LRIG2: variants seen among roughly 807,000 people sequenced by gnomAD.
LRIG2 encodes leucine-rich repeats and immunoglobulin-like domains protein 2.
In LRIG2, 93 loss-of-function variants were observed where a neutral mutation model predicts 107.8. That is an observed-to-expected ratio of 0.86 (90% CI 0.73 to 1.03). LRIG2 has a LOEUF of 1.03. Ranked by LOEUF, LRIG2 falls within the 50% of genes least tolerant of loss-of-function variation. LRIG2 has a pLI of 0.00. For synonymous variants in LRIG2, 471 were observed against 470.6 expected, an observed-to-expected ratio of 1.00 and a Z score of -0.01; for missense variants, 1,226 against 1,296.0, an observed-to-expected ratio of 0.95 and a Z score of 0.83.
In LRIG2 at chr1:113,094,479, T is replaced by C; in HGVS notation, c.656T>C (p.Phe219Ser). The change falls in exon 5 of 18, where the codon TTC (phenylalanine) becomes TCC (serine). Residue 219 changes from phenylalanine to serine, a missense_variant. By Grantham distance (155) the Phe-to-Ser change is radical. This residue lies in a region of LRIG2 where 570 missense variants were observed against 550.2 expected (regional missense o/e 1.04). Coordinates refer to ENST00000361127, the MANE Select transcript of LRIG2 (RefSeq NM_014813.3). ...PKIFKLPHLQ[F>S]LELKRNRIKI... ...ATCTTCAAGCTGCCTCACCTCCAATTCTTGTGAGTAACGAAATAGACGGAT... is the reference window on the plus strand; with the variant it reads ...ATCTTCAAGCTGCCTCACCTCCAATCCTTGTGAGTAACGAAATAGACGGAT... The C allele has an allele frequency of 6.2e-7, 1 of 1,606,220 alleles. No homozygotes were observed. The highest frequency in any genetic ancestry group is 8.5e-7 in the Non-Finnish European group (1 of 1,178,286).
rs1570744465 is a variant in LRIG2, at chr1:113,095,866, T to C, written c.804-8T>C. The C allele has an allele frequency of 1.9e-6, 3 of 1,614,138 alleles. No homozygotes were observed. The highest frequency in any genetic ancestry group is 2.7e-5 in the African/African-American group (2 of 75,058). ...AACGTATTTTCTTCTCTTTCTCTAA[T>C]TCTGCAGAGAACTGGAACACAACAA... On this transcript the variant is annotated splice_region_variant and splice_polypyrimidine_tract_variant and intron_variant, in intron 6 of 17. Transcript: ENST00000361127.
intron 11 of LRIG2, among the ~76,000 whole-genome samples, chr1:113,104,139 G>A (rs564791108): frequency 1.3e-5 from 2 of 152,296 alleles, no homozygotes; most frequent in African/African-American, 4.8e-5. Flanking sequence ...ACTGCATCCT[G>A]TAAGCTGTCT....
intron 17 of LRIG2, among the ~76,000 whole-genome samples, chr1:113,122,075 C>CTTTTTTTT (rs758568453): frequency 3.4e-5 from 3 of 87,054 alleles, no homozygotes; most frequent in African/African-American, 4.6e-5. Flanking sequence ...TTAGGCTCAC[C>CTTTTTTTT]TTTTTTTTTT....
At chr1:113,107,566 G>A (rs768765585) in intron 11 of LRIG2, 28 bp from the exon 12 acceptor site, 1 of 1,595,660 alleles carries the variant, frequency 6.3e-7, no homozygotes, top group Non-Finnish European at 8.5e-7. Flanking sequence ...TAAAACAAAG[G>A]ATGCTTTTCC....
chr1:113,093,279 T>C lies in LRIG2; in HGVS notation c.379T>C (p.Leu127=), dbSNP rs1653905401. ...TACATCTAATATTACTCTACTTTCA[T>C]TGTAAGTTAGTAAGTTTTCAGGTTT... is the stretch of plus-strand genomic sequence containing the variant. The part of the protein sequence containing the change: ...EPTSNITLLS[L]VHNIIPEINA... Residue 127 remains leucine, a splice_region_variant and synonymous_variant, in exon 3 of 18, where the codon TTA becomes CTA. Coordinates refer to ENST00000361127, the MANE Select transcript of LRIG2 (RefSeq NM_014813.3). 1 of 1,583,708 alleles carries C rather than the reference T, an allele frequency of 6.3e-7. No homozygotes were observed. Among genetic ancestry groups the C allele is most frequent in the Non-Finnish European group, 8.6e-7 (1 of 1,164,110 alleles).
At chr1:113,088,423 G>A (rs1391573819) in intron 1 of LRIG2, among the ~76,000 whole-genome samples, 1 of 152,116 alleles carries the variant, frequency 6.6e-6, no homozygotes, top group Admixed American at 6.5e-5. Flanking sequence ...TCATTTTATT[G>A]CTTTAGATTT....
intron 1 of LRIG2, among the ~76,000 whole-genome samples, chr1:113,080,133 G>T (rs1407321254): frequency 6.8e-6 from 1 of 146,468 alleles, no homozygotes; most frequent in Admixed American, 7.1e-5. Context: ...CGATTCTCCT[G>T]CCTCAGCCTC....
chr1:113,083,493 G>A (rs1413884655), intron 1 of LRIG2, among the ~76,000 whole-genome samples: 1 of 151,174 alleles, frequency 6.6e-6, no homozygotes, highest in African/African-American at 2.4e-5. Flanking sequence ...TTACAGGCAC[G>A]TGCCACCACA....
In LRIG2 at chr1:113,123,981, G is replaced by C; in HGVS notation, c.3078G>C (p.Glu1026Asp). The change falls in exon 18 of 18, where the codon GAG (glutamate) becomes GAC (aspartate). Residue 1026 changes from glutamate to aspartate, a missense_variant. This residue lies in a region of LRIG2 where 642 missense variants were observed against 712.2 expected (regional missense o/e 0.90). Coordinates refer to ENST00000361127, the MANE Select transcript of LRIG2 (RefSeq NM_014813.3). Reference protein sequence around the residue: ...VHESPQLHQNEGLAGREPDCS... With the variant: ...VHESPQLHQNDGLAGREPDCS... ...AGTCACCACAACTTCATCAAAATGA[G>C]GGCCTGGCAGGGAGAGAGCCAGACT... The C allele has an allele frequency of 6.2e-7, 1 of 1,614,102 alleles. No individual in the cohort carries two copies. The highest frequency in any genetic ancestry group is 8.5e-7 in the Non-Finnish European group (1 of 1,180,028).
chr1:113,112,431 G>T, intron 13 of LRIG2, 48 bp from the exon 14 acceptor site: 7 of 1,560,576 alleles, frequency 4.5e-6, no homozygotes, highest in Non-Finnish European at 6.1e-6. Context: ...GCATATATGT[G>T]TCTTTGTTCC....
chr1:113,121,829 C>T (rs553672310), intron 17 of LRIG2, among the ~76,000 whole-genome samples: 1 of 151,812 alleles, frequency 6.6e-6, no homozygotes, highest in East Asian at 1.9e-4. Flanking sequence ...GGGGATGGTT[C>T]TGGCAGGAGT....
At chr1:113,074,566 G>A (rs1652867837) in intron 1 of LRIG2, among the ~76,000 whole-genome samples, 1 of 152,164 alleles carries the variant, frequency 6.6e-6, no homozygotes, top group Admixed American at 6.6e-5. Flanking sequence ...GTCACTAACT[G>A]AGCAGCACGT....
In LRIG2 at chr1:113,116,396, T is replaced by A. The variant is rs1655013155; in HGVS notation, c.2640T>A (p.Leu880=). The A allele has an allele frequency of 6.2e-7, 1 of 1,613,596 alleles. No homozygotes were observed. Among genetic ancestry groups the A allele is most frequent in the Non-Finnish European group, 8.5e-7 (1 of 1,179,830 alleles). The change falls in exon 16 of 18, where the codon CTT becomes CTA. Residue 880 remains leucine (L), a synonymous_variant. Coordinates refer to ENST00000361127, the MANE Select transcript of LRIG2 (RefSeq NM_014813.3). ...CTGAGGCAGGCAGTCATCAGCAACT[T>A]ATGCCTCCTGCCAATGGATATATAC... ...SNSEAGSHQQ[L]MPPANGYIHK... is the part of the protein sequence containing the mutation.
chr1:113,120,163 T>TG (rs557426054), intron 17 of LRIG2, among the ~76,000 whole-genome samples: 1 of 151,004 alleles, frequency 6.6e-6, no homozygotes, highest in South Asian at 2.1e-4. Flanking sequence ...GAATAAAATA[T>TG]GGGGGGCCGG....
chr1:113,112,386 T>C, intron 13 of LRIG2, 93 bp from the exon 14 acceptor site: 1 of 1,076,122 alleles, frequency 9.3e-7, no homozygotes, highest in African/African-American at 1.6e-5. Context: ...TTAGGGGGTG[T>C]CTTGCCTACT....
chr1:113,118,687 C>CAA (rs1655117105), intron 16 of LRIG2, among the ~76,000 whole-genome samples: 1 of 151,004 alleles, frequency 6.6e-6, no homozygotes, highest in Non-Finnish European at 1.5e-5. Flanking sequence ...TTTTTGGAGA[C>CAA]AGAGTCTCGC....
chr1:113,103,336 G>C (rs780823163), intron 11 of LRIG2: 1 of 152,098 alleles, frequency 6.6e-6, no homozygotes, highest in Non-Finnish European at 1.5e-5. Flanking sequence ...CAAGAATCCT[G>C]TTAGGGTTTA....
chr1:113,092,850 G>A (rs182848356), intron 2 of LRIG2, among the ~76,000 whole-genome samples: 7 of 152,106 alleles, frequency 4.6e-5, no homozygotes, highest in East Asian at 1.9e-4. Context: ...TTAGCCGGGC[G>A]TGGTGGTGCA....
At chr1:113,116,165 G>A (rs373459525) in intron 15 of LRIG2, 122 bp from the exon 16 acceptor site, 5 of 623,524 alleles carry the variant, frequency 8.0e-6, no homozygotes, top group East Asian at 3.0e-5. Context: ...GAGCTGTTGC[G>A]GTCCTAGGTA....
Sources: gnomAD v4.1 joint callset for allele counts (sites outside exome capture counted in the v4.1 genomes callset) on GRCh38, gnomAD v4.1.1 for gene constraint, gnomAD v4.1.1 regional missense constraint, MANE v1.5 for transcripts, NCBI Gene and HGNC (gene_info 2026-07-23, HGNC 2026-07-21) for gene names.